PROX1: variants seen among roughly 807,000 people sequenced by gnomAD.
PROX1 encodes prospero homeobox protein 1.
In PROX1, 7 loss-of-function variants were observed where a neutral mutation model predicts 58.8. The ratio of observed to expected loss-of-function variants is 0.12; its 90% confidence interval spans 0.07 to 0.22. The LOEUF (loss-of-function observed/expected upper bound fraction) is 0.22. Among genes scored for constraint, PROX1 ranks in the 10% least tolerant of loss-of-function variants. The pLI, the probability that PROX1 is intolerant of heterozygous loss-of-function variation, is 1.00. For synonymous variants in PROX1, 350 were observed against 358.3 expected (o/e 0.98, Z 0.26); for missense variants, 675 against 927.8 (o/e 0.73, Z 3.54).
chr1:214,011,758 T>C, intron 4 of PROX1, 43 bp downstream of exon 4: 1 of 1,473,808 alleles, frequency 6.8e-7, no homozygotes, highest in Non-Finnish European at 9.1e-7. Context: ...CCTTTTCCTT[T>C]TTTAAAAAAT....
At chr1:213,992,672 C>T (rs1477062255) in intron 1 of PROX1, among the ~76,000 whole-genome samples, 1 of 152,076 alleles carries the variant, frequency 6.6e-6, no homozygotes, top group Non-Finnish European at 1.5e-5. Context: ...TCTAAATAAT[C>T]CAAGCAGGAA....
At chr1:213,989,728 C>G (rs562733626) in intron 1 of PROX1, 1 of 152,514 alleles carries the variant, frequency 6.6e-6, no homozygotes, top group African/African-American at 2.4e-5. Flanking sequence ...GTTACTCCCC[C>G]TGCTGAAGCT....
In PROX1 at chr1:214,003,082, A is replaced by C. The variant is rs12060957; in HGVS notation, c.1726-2083A>C. Among the ~76,000 whole-genome samples the C allele has an allele frequency of 5.2e-3, 796 of 152,364 alleles. 8 individuals carry two copies. Among genetic ancestry groups the C allele is most frequent in the African/African-American group, 0.018 (758 of 41,590 alleles). On this transcript the variant is annotated intron_variant, in intron 2 of 4. Coordinates refer to ENST00000366958, the MANE Select transcript of PROX1 (RefSeq NM_001270616.2). ...ATAAAAAGCCTCTAAATACTGATCA[A>C]AATAAAATGGATATTTTACTTTTTT...
intron 2 of PROX1, among the ~76,000 whole-genome samples, chr1:214,000,902 T>A (rs1663485349): frequency 6.6e-6 from 1 of 152,168 alleles, no homozygotes; most frequent in Non-Finnish European, 1.5e-5. Flanking sequence ...GTGAGTGATG[T>A]CTTACTTCAA....
chr1:214,016,850 C>T (rs566308222), intron 4 of PROX1, among the ~76,000 whole-genome samples: 1 of 152,048 alleles, frequency 6.6e-6, no homozygotes, highest in African/African-American at 2.4e-5. Flanking sequence ...TATAATGAAG[C>T]GGGCCCATTG....
In PROX1 at chr1:214,037,643, G is replaced by C. The variant is rs1488259926; in HGVS notation, c.*1809G>C. On this transcript the variant is annotated 3_prime_UTR_variant, in exon 5 of 5. Transcript: ENST00000366958. ...ACAGGGCCTCGCAGTGTAGACAGAG[G>C]GTGCAGCCACACGGGCGGGGGCACC... 1 of 152,168 alleles carries C rather than the reference G, an allele frequency of 6.6e-6. No individual in the cohort carries two copies. Among genetic ancestry groups the C allele is most frequent in the Non-Finnish European group, 1.5e-5 (1 of 68,108 alleles). The allele number at this position is 152,168 out of a possible 1,614,324, so 9.4% of individuals were successfully genotyped here. A position where few individuals can be genotyped will look rare whatever the true frequency, so the allele number is the denominator to read the frequency against.
At chr1:213,990,682 G>GTA (rs1663000223) in intron 1 of PROX1, among the ~76,000 whole-genome samples, 1 of 150,946 alleles carries the variant, frequency 6.6e-6, no homozygotes, top group South Asian at 2.1e-4. Flanking sequence ...GTGTGTGTGT[G>GTA]TGTGTGTGTG....
rs1353578851 is a variant in PROX1, at chr1:213,997,357, G to A, written c.822G>A (p.Leu274=). 1 of 1,614,026 alleles carries A rather than the reference G, an allele frequency of 6.2e-7. No homozygotes were observed. The stretch of plus-strand genomic sequence containing the variant: ...CGGAAAATGATGAAGATGGTAACCT[G>A]TCTGAAGACAGCATGCGCTCGGAGA... ...TDSENDEDGN[L]SEDSMRSEIL... Residue 274 remains leucine, a synonymous_variant, in exon 2 of 5, where the codon CTG becomes CTA. Coordinates refer to ENST00000366958, the MANE Select transcript of PROX1 (RefSeq NM_001270616.2). The surrounding 1 kb of genome is among the most constrained non-coding windows in gnomAD (Gnocchi z 7.1).
intron 4 of PROX1, among the ~76,000 whole-genome samples, chr1:214,021,637 C>T (rs1294400401): frequency 6.6e-6 from 1 of 152,206 alleles, no homozygotes; most frequent in South Asian, 2.1e-4. Flanking sequence ...GGCAGTCATG[C>T]CACGGTTTGG....
At chr1:214,010,624 C>T (rs760318550) in intron 3 of PROX1, among the ~76,000 whole-genome samples, 2 of 152,102 alleles carry the variant, frequency 1.3e-5, no homozygotes, top group Admixed American at 1.3e-4. Flanking sequence ...CTGTCCTTTA[C>T]GTGAGCAGAG....
intron 2 of PROX1, among the ~76,000 whole-genome samples, chr1:214,002,768 C>T (rs1663569175): frequency 6.6e-6 from 1 of 152,154 alleles, no homozygotes; most frequent in Non-Finnish European, 1.5e-5. Flanking sequence ...AGTTGCTTTT[C>T]AGCACAAGCA....
intron 3 of PROX1, among the ~76,000 whole-genome samples, chr1:214,008,700 A>C (rs1298205258): frequency 6.6e-6 from 1 of 152,180 alleles, no homozygotes; most frequent in African/African-American, 2.4e-5. Flanking sequence ...GGTAGAGGGA[A>C]ATCATACAAT....
Position 214,039,779 on chromosome 1 carries a change from T to G in PROX1, c.*3945T>G, listed in dbSNP as rs1392516365. ...ACATTTAGTAAGTAACACCCCCCCT[T>G]CCCATGCGCACATGTGCGCATACAC... is the stretch of plus-strand genomic sequence containing the variant. On this transcript the variant is annotated 3_prime_UTR_variant, in exon 5 of 5. Coordinates refer to ENST00000366958, the MANE Select transcript of PROX1 (RefSeq NM_001270616.2). 1 of 149,114 alleles carries G rather than the reference T, an allele frequency of 6.7e-6. No homozygotes were observed. Among genetic ancestry groups the G allele is most frequent in the East Asian group, 2.0e-4 (1 of 5,074 alleles). 9.2% of individuals were successfully genotyped at this position (149,114 alleles called of 1,614,324 possible). A position where few individuals can be genotyped will look rare whatever the true frequency, so the allele number is the denominator to read the frequency against.
chr1:214,006,352 C>T (rs1329590819), intron 3 of PROX1, among the ~76,000 whole-genome samples: 1 of 152,142 alleles, frequency 6.6e-6, no homozygotes, highest in Non-Finnish European at 1.5e-5. Flanking sequence ...TTTATTTGGC[C>T]TTATAAGAAA....
intron 4 of PROX1, among the ~76,000 whole-genome samples, chr1:214,031,470 G>C (rs1275805993): frequency 1.3e-5 from 2 of 152,110 alleles, no homozygotes; most frequent in Non-Finnish European, 2.9e-5. Flanking sequence ...TCCAAAGGCA[G>C]GGCCTTCTCC....
chr1:214,027,782 T>C lies in PROX1; in HGVS notation c.2029-7867T>C, dbSNP rs1057385881. ...CAATATGGCTTTAGCTCACTGAGTC[T>C]ATTGATTTCCTTAAATTAATGTTTA... On this transcript the variant is annotated intron_variant, in intron 4 of 4. Transcript: ENST00000366958. Among the ~76,000 whole-genome samples the C allele has an allele frequency of 7.2e-5, 11 of 152,278 alleles. 1 individual carries two copies. Among genetic ancestry groups the C allele is most frequent in the African/African-American group, 1.4e-4 (6 of 41,558 alleles).
At chr1:214,014,863 G>C (rs1325487998) in intron 4 of PROX1, among the ~76,000 whole-genome samples, 6 of 152,142 alleles carry the variant, frequency 3.9e-5, no homozygotes, top group Non-Finnish European at 8.8e-5. Context: ...TCACTGCTTA[G>C]CACCACCTCC....
intron 4 of PROX1, among the ~76,000 whole-genome samples, chr1:214,017,088 A>G (rs1490604479): frequency 6.6e-6 from 1 of 152,110 alleles, no homozygotes; most frequent in African/African-American, 2.4e-5. Flanking sequence ...AGCATTTTCT[A>G]CAGTGGCTAT....
chr1:214,020,536 A>G (rs955336339), intron 4 of PROX1, among the ~76,000 whole-genome samples: 4 of 152,210 alleles, frequency 2.6e-5, no homozygotes, highest in African/African-American at 4.8e-5. Context: ...TATATATCTA[A>G]CAGAGCCACA....
Sources: allele counts gnomAD v4.1 joint callset (sites outside exome capture counted in the v4.1 genomes callset), GRCh38; gene constraint gnomAD v4.1.1; non-coding constraint Gnocchi (gnomAD v3.1); transcripts MANE v1.5; gene names NCBI Gene and HGNC (gene_info 2026-07-23, HGNC 2026-07-21).